RSRC1: variants seen among roughly 807,000 people sequenced by gnomAD.
RSRC1 encodes serine/Arginine-related protein 53.
In RSRC1, 39 loss-of-function variants were observed where a neutral mutation model predicts 49.1. That is an observed-to-expected ratio of 0.79 (90% CI 0.61 to 1.04). RSRC1 has a LOEUF of 1.04. Ranked by LOEUF, RSRC1 falls within the 50% of genes least tolerant of loss-of-function variation. RSRC1 has a pLI of 0.00. For synonymous variants in RSRC1, 143 were observed against 130.8 expected (o/e 1.09, Z -0.63); for missense variants, 388 against 402.4 (o/e 0.96, Z 0.31).
At chr3:158,491,516 C>A (rs1020783302) in intron 7 of RSRC1, among the ~76,000 whole-genome samples, 1 of 151,956 alleles carries the variant, frequency 6.6e-6, no homozygotes, top group Non-Finnish European at 1.5e-5. Context: ...GGATCCCAAA[C>A]GAAGAATGTT....
chr3:158,487,130 A>G (rs1738843919), intron 7 of RSRC1, among the ~76,000 whole-genome samples: 1 of 152,208 alleles, frequency 6.6e-6, no homozygotes, highest in African/African-American at 2.4e-5. Flanking sequence ...TTTTCATTCA[A>G]TACTGTTGCA....
At chr3:158,490,608 A>G (rs1284169361) in intron 7 of RSRC1, among the ~76,000 whole-genome samples, 1 of 152,248 alleles carries the variant, frequency 6.6e-6, no homozygotes, top group Non-Finnish European at 1.5e-5. Flanking sequence ...GAATTATCAA[A>G]TAAGGTAGAG....
intron 3 of RSRC1, among the ~76,000 whole-genome samples, chr3:158,127,915 G>A (rs557363678): frequency 3.3e-5 from 5 of 152,166 alleles, no homozygotes; most frequent in African/African-American, 1.2e-4. Flanking sequence ...TAGCAGGTGA[G>A]AGATATCATT....
At chr3:158,331,157 T>G (rs1428131493) in intron 5 of RSRC1, among the ~76,000 whole-genome samples, 1 of 152,216 alleles carries the variant, frequency 6.6e-6, no homozygotes, top group East Asian at 1.9e-4. Flanking sequence ...AATTTGAGAT[T>G]TGGTGTTGGG....
intron 6 of RSRC1, among the ~76,000 whole-genome samples, chr3:158,439,952 C>T (rs898094684): frequency 2.6e-5 from 4 of 151,954 alleles, no homozygotes; most frequent in Non-Finnish European, 5.9e-5. Context: ...TAAGTAATGC[C>T]TTCCAAACCT....
At chr3:158,129,137 A>G (rs1715824608) in intron 3 of RSRC1, among the ~76,000 whole-genome samples, 1 of 151,454 alleles carries the variant, frequency 6.6e-6, no homozygotes, top group South Asian at 2.1e-4. Context: ...CCTTTCACTT[A>G]CTAACTTTAG....
At chr3:158,417,781 A>G (rs1022792432) in intron 6 of RSRC1, among the ~76,000 whole-genome samples, 2 of 150,754 alleles carry the variant, frequency 1.3e-5, no homozygotes, top group African/African-American at 2.4e-5. Context: ...ATATTATTTT[A>G]TCCTATATAT....
chr3:158,412,191 A>G (rs1734498566), intron 6 of RSRC1, among the ~76,000 whole-genome samples: 1 of 152,130 alleles, frequency 6.6e-6, no homozygotes, highest in Admixed American at 6.6e-5. Flanking sequence ...GTACTAGCTC[A>G]TAAAACACTT....
rs915876626 is a variant in RSRC1, at chr3:158,300,210, A to G, written c.531+2135A>G. ...ATAAGCATTTTGGGAATAAAGAGCC[A>G]GGACTAGCATACAGTTAGGTAGTAA... On this transcript the variant is annotated intron_variant, in intron 5 of 9. Coordinates refer to ENST00000611884, the MANE Select transcript of RSRC1 (RefSeq NM_001271838.2). 3.3e-5 allele frequency among the ~76,000 whole-genome samples: 5 copies of G among 152,188 alleles called. No homozygotes were observed. The South Asian group carries it at 1.0e-3, about 32-fold the overall frequency.
intron 4 of RSRC1, among the ~76,000 whole-genome samples, chr3:158,277,404 C>T (rs1725877307): frequency 6.6e-6 from 1 of 152,068 alleles, no homozygotes; most frequent in Non-Finnish European, 1.5e-5. Context: ...TTATAAAATT[C>T]TGTTAGATTC....
At chr3:158,150,932 T>A (rs1717492421) in intron 3 of RSRC1, among the ~76,000 whole-genome samples, 1 of 152,220 alleles carries the variant, frequency 6.6e-6, no homozygotes, top group Admixed American at 6.6e-5. Flanking sequence ...CTTCATAACC[T>A]ATACCAGTCA....
At chr3:158,509,774 T>C (rs1560069479) in intron 7 of RSRC1, among the ~76,000 whole-genome samples, 2 of 152,224 alleles carry the variant, frequency 1.3e-5, no homozygotes, top group Admixed American at 6.5e-5. Context: ...AGTTGTAGTT[T>C]ATTCATTTTC....
Position 158,203,000 on chromosome 3 carries a change from T to C in RSRC1, c.321-72T>C, listed in dbSNP as rs1721147034. On this transcript the variant is annotated intron_variant, in intron 3 of 9. Transcript: ENST00000611884. ...AAACTAAGTAGTTTTTTTCAGATAA[T>C]TTAAAAGAGTATTTACTTTTCACGA... 3 of 1,244,210 alleles carry C rather than the reference T, an allele frequency of 2.4e-6. No homozygotes were observed. In the Admixed American group the frequency reaches 7.2e-5, roughly 30 times the overall value. The allele number at this position is 1,244,210 out of a possible 1,614,324, so 77.1% of individuals were successfully genotyped here. A position where few individuals can be genotyped will look rare whatever the true frequency, so the allele number is the denominator to read the frequency against.
chr3:158,387,424 C>G (rs1345202295), intron 6 of RSRC1, among the ~76,000 whole-genome samples: 5 of 152,080 alleles, frequency 3.3e-5, no homozygotes, highest in African/African-American at 1.2e-4. Context: ...AACAGCCTAT[C>G]AGTCAAATAA....
intron 7 of RSRC1, among the ~76,000 whole-genome samples, chr3:158,492,326 A>G (rs556800711): frequency 3.9e-5 from 6 of 152,332 alleles, no homozygotes; most frequent in Admixed American, 2.0e-4. Context: ...AGTTGTATAT[A>G]TTTAATCTGA....
chr3:158,537,034 T>C, intron 7 of RSRC1, 58 bp from the exon 8 acceptor site: 1 of 979,494 alleles, frequency 1.0e-6, no homozygotes, highest in South Asian at 1.3e-5. Context: ...ATTGCTTAGG[T>C]GTAGTGTTAT....
chr3:158,514,577 A>G (rs1740388994), intron 7 of RSRC1, among the ~76,000 whole-genome samples: 1 of 152,094 alleles, frequency 6.6e-6, no homozygotes, highest in Non-Finnish European at 1.5e-5. Context: ...GTGGTGCTGA[A>G]AAAAATGTAT....
intron 7 of RSRC1, among the ~76,000 whole-genome samples, chr3:158,520,989 A>T (rs1560074764): frequency 1.3e-5 from 2 of 152,116 alleles, no homozygotes; most frequent in Admixed American, 6.6e-5. Context: ...GATACTACAA[A>T]CTGGTAAACA....
chr3:158,231,411 C>T (rs1471006210), intron 4 of RSRC1, among the ~76,000 whole-genome samples: 1 of 152,034 alleles, frequency 6.6e-6, no homozygotes, highest in Non-Finnish European at 1.5e-5. Flanking sequence ...GCTGGGACTA[C>T]AGGTGTGAGC....
Sources: gnomAD v4.1 joint callset for allele counts (sites outside exome capture counted in the v4.1 genomes callset) on GRCh38, gnomAD v4.1.1 for gene constraint, MANE v1.5 for transcripts, NCBI Gene and HGNC (gene_info 2026-07-23, HGNC 2026-07-21) for gene names.